Variants in RABL6 observed in about 807,000 individuals in gnomAD.
RABL6 encodes RAB, member RAS oncogene family like 6, also known as rab-like protein 6.
In RABL6, 28 loss-of-function variants were observed where a neutral mutation model predicts 72.9. The ratio of observed to expected loss-of-function variants is 0.38; its 90% CI spans 0.28 to 0.53. The LOEUF is 0.53. Ranked by LOEUF, RABL6 falls within the 20% of genes least tolerant of loss-of-function variation. The pLI is 0.80. For synonymous variants in RABL6, 477 were observed against 421.2 expected (o/e 1.13, Z -1.62); for missense variants, 1,029 against 1,008.4 (o/e 1.02, Z -0.28).
chr9:136,840,794 AGT>A lies in RABL6; in HGVS notation c.*275_*276del. On this transcript the variant is annotated 3_prime_UTR_variant, in exon 15 of 15. Coordinates refer to ENST00000311502, the MANE Select transcript of RABL6 (RefSeq NM_024718.5). ...CTGGCCCTCTCGGGGCAGAGCCGCCAGTGTTTCTCAGGGATGTGACTGAGGCC... is the reference window on the plus strand; with the variant it reads ...CTGGCCCTCTCGGGGCAGAGCCGCCAGTTTCTCAGGGATGTGACTGAGGCC... 3.2e-6 allele frequency: 5 copies of A among 1,547,480 alleles called. No homozygotes were observed. The highest frequency in any genetic ancestry group is 4.4e-6 in the Non-Finnish European group (5 of 1,146,760).
chr9:136,820,459 C>G (rs1324340162), intron 1 of RABL6, among the ~76,000 whole-genome samples: 1 of 152,076 alleles, frequency 6.6e-6, no homozygotes, highest in Non-Finnish European at 1.5e-5. Context: ...GCAACCTCCA[C>G]CTCCTGGGGT....
Position 136,838,952 on chromosome 9 carries a change from C to T in RABL6, c.1324C>T (p.Gln442Ter). ...LGGNPMVAGF[Q>*]DDVDLEDQPR... ...CGGCAACCCGATGGTGGCAGGGTTC[C>T]AGGACGATGTGGACCTCGAAGACCA... Residue 442 changes from glutamine to a stop codon, truncating the protein, a stop_gained, in exon 11 of 15, where the codon CAG (glutamine) becomes TAG (stop). Coordinates refer to ENST00000311502, the MANE Select transcript of RABL6 (RefSeq NM_024718.5). LOFTEE classifies it high-confidence loss of function. 6.2e-7 allele frequency: 1 copy of T among 1,610,018 alleles called. No individual in the cohort carries two copies. Among genetic ancestry groups the T allele is most frequent in the Admixed American group, 1.7e-5 (1 of 59,728 alleles).
chr9:136,823,445 C>T (rs1482002158), intron 1 of RABL6, 80 bp from the exon 2 acceptor site: 2 of 1,554,282 alleles, frequency 1.3e-6, no homozygotes, highest in Admixed American at 1.8e-5. Flanking sequence ...AGAACCGGCT[C>T]TCCTTGTAGT....
chr9:136,839,469 GAC>G lies in RABL6; in HGVS notation c.1747_1748del (p.Gln583AlafsTer5). The G allele has an allele frequency of 1.2e-6, 2 of 1,612,390 alleles. No individual in the cohort carries two copies. The highest frequency in any genetic ancestry group is 8.5e-7 in the Non-Finnish European group (1 of 1,179,626). On this transcript the variant is annotated frameshift_variant, in exon 12 of 15. Coordinates refer to ENST00000311502, the MANE Select transcript of RABL6 (RefSeq NM_024718.5). LOFTEE classifies it high-confidence loss of function. ...CCCCGACTTTGAGAGCGAGGGATCA[GAC>G]ACACAGCGCAGGGCGGTAAGACGAG... ...DDPDFESEGSDTQRRADDFPV... is the reference protein window; with the variant it reads ...DDPDFESEGSXTQRRADDFPV...
intron 1 of RABL6, chr9:136,814,896 C>G (rs1362642099): frequency 6.4e-6 from 1 of 156,702 alleles, no homozygotes; most frequent in Non-Finnish European, 1.4e-5. Context: ...GTCTTCATCA[C>G]TTCATCCTCT....
rs754120233 is a variant in RABL6 at position 136,837,279 on chromosome 9, C to T, written c.810-67C>T. ...CCCCAGCAGCAGCAGCAGAGAGCCC[C>T]CTGTCACCTGAGGGCCTCAGGGAGA... On this transcript the variant is annotated intron_variant, in intron 8 of 14. Transcript: ENST00000311502. The T allele has an allele frequency of 3.4e-6, 5 of 1,491,708 alleles. No homozygotes were observed. The African/African-American group carries it at 5.6e-5, about 17-fold the overall frequency. The allele number at this position is 1,491,708 out of a possible 1,614,324, so 92.4% of individuals were successfully genotyped here. A position where few individuals can be genotyped will look rare whatever the true frequency, so the allele number is the denominator to read the frequency against.
Position 136,833,917 on chromosome 9 carries a change from C to T in RABL6, c.705+1547C>T, listed in dbSNP as rs1848534270. On this transcript the variant is annotated intron_variant, in intron 7 of 14. Transcript: ENST00000311502. ...CGTCCCCTCATCACTGGGTTGATTACTCCTTAGAGAGCTCCCCACTGCTCA... is the reference window on the plus strand; with the variant it reads ...CGTCCCCTCATCACTGGGTTGATTATTCCTTAGAGAGCTCCCCACTGCTCA... 3.9e-6 allele frequency: 6 copies of T among 1,550,254 alleles called. No homozygotes were observed. The East Asian group carries it at 9.8e-5, about 25-fold the overall frequency.
chr9:136,825,673 G>C, intron 2 of RABL6, 106 bp from the exon 3 acceptor site: 1 of 1,242,262 alleles, frequency 8.0e-7, no homozygotes, highest in Non-Finnish European at 1.2e-6. Flanking sequence ...AAGTCCTGGT[G>C]GGAGCCGGTG....
intron 1 of RABL6, chr9:136,815,148 C>T: frequency 3.1e-6 from 1 of 318,106 alleles, no homozygotes; most frequent in Non-Finnish European, 6.1e-6. Context: ...TCATCCTCCT[C>T]CTCATCGCTG....
At chr9:136,817,327 A>G (rs555949516) in intron 1 of RABL6, among the ~76,000 whole-genome samples, 91 of 152,244 alleles carry the variant, frequency 6.0e-4, no homozygotes, top group Non-Finnish European at 1.1e-3. Context: ...AATACAGGAA[A>G]CTCCAAGAAG....
In RABL6 at chr9:136,840,376, G is replaced by A. The variant is rs755741907; in HGVS notation, c.2044G>A (p.Glu682Lys). 4.5e-6 allele frequency: 7 copies of A among 1,555,118 alleles called. No homozygotes were observed. In the Admixed American group the frequency reaches 7.8e-5, roughly 17 times the overall value. Residue 682 changes from glutamate to lysine, a missense_variant, in exon 15 of 15, where the codon GAG becomes AAG. Glu to Lys is a moderately conservative substitution (Grantham distance 56). Transcript: ENST00000311502. ...CAAACACAAGAAGAGCAAGGACAAGGAGGAGGGCAAGGAGGAGCGGCGACG... is the reference window on the plus strand; with the variant it reads ...CAAACACAAGAAGAGCAAGGACAAGAAGGAGGGCAAGGAGGAGCGGCGACG... ...KSKHKKSKDKEEGKEERRRRQ... is the reference protein window; with the variant it reads ...KSKHKKSKDKKEGKEERRRRQ...
chr9:136,837,381 A>G lies in RABL6; in HGVS notation c.845A>G (p.His282Arg). 6.2e-7 allele frequency: 1 copy of G among 1,602,724 alleles called. No homozygotes were observed. The highest frequency in any genetic ancestry group is 1.1e-5 in the South Asian group (1 of 89,366). ...LEMMEARSRG[H>R]ASPLAANGQS... ...ATGATGGAGGCTCGCAGCCGTGGCC[A>G]TGCGTCCCCACTGGCGGCCAACGGG... The change falls in exon 9 of 15, where the codon CAT (histidine) becomes CGT (arginine). Residue 282 changes from histidine (H) to arginine (R), a missense_variant. Coordinates refer to ENST00000311502, the MANE Select transcript of RABL6 (RefSeq NM_024718.5).
chr9:136,831,656 C>G, intron 5 of RABL6, 65 bp from the exon 6 acceptor site: 2 of 1,599,056 alleles, frequency 1.3e-6, no homozygotes, highest in South Asian at 2.2e-5. Flanking sequence ...CGCACAGCAC[C>G]TTTCCAGGGA....
In RABL6 at chr9:136,839,202, C is replaced by A. The variant is rs1440408277; in HGVS notation, c.1494-20C>A. ...GACGCCTCCAGAGGACCCTGACTGA[C>A]CCTCTGCTTGTCCACAAAGGTCCTC... On this transcript the variant is annotated intron_variant, in intron 11 of 14. Transcript: ENST00000311502. 6.3e-7 allele frequency: 1 copy of A among 1,595,056 alleles called. No individual in the cohort carries two copies. The highest frequency in any genetic ancestry group is 1.7e-5 in the Admixed American group (1 of 57,676).
At position 136,822,947 on chromosome 9, in the gene RABL6, A is replaced by G. The variant is rs558667811; in HGVS notation, c.131-578A>G. On this transcript the variant is annotated intron_variant, in intron 1 of 14. Coordinates refer to ENST00000311502, the MANE Select transcript of RABL6 (RefSeq NM_024718.5). ...ACTAAAAATACAAAAAATTAGCTGG[A>G]CATGGTGGCGGGCGCCTGTAGTCCC... 4.6e-5 allele frequency among the ~76,000 whole-genome samples: 7 copies of G among 151,130 alleles called. No individual in the cohort carries two copies. The East Asian group carries it at 5.8e-4, about 12-fold the overall frequency.
At chr9:136,828,449 G>T in intron 3 of RABL6, 45 bp from the exon 4 acceptor site, 1 of 1,605,140 alleles carries the variant, frequency 6.2e-7, no homozygotes, top group Non-Finnish European at 8.5e-7. Context: ...TATGGCCCAA[G>T]GCCCAGGGGT....
Position 136,828,929 on chromosome 9 carries a change from C to T in RABL6, c.366+383C>T, listed in dbSNP as rs114469945. 5.9e-3 allele frequency among the ~76,000 whole-genome samples: 900 copies of T among 152,298 alleles called. 11 individuals are homozygous for T. Among genetic ancestry groups the T allele is most frequent in the African/African-American group, 0.021 (861 of 41,554 alleles). On this transcript the variant is annotated intron_variant, in intron 4 of 14. Transcript: ENST00000311502. ...ACCTGGGGCCAACCCAACCTGAGCC[C>T]GACACACCCAGGGCCTCGCACTCTC... is the stretch of plus-strand genomic sequence containing the variant.
chr9:136,812,040 A>G (rs1848022909), intron 1 of RABL6, among the ~76,000 whole-genome samples: 1 of 152,216 alleles, frequency 6.6e-6, no homozygotes, highest in African/African-American at 2.4e-5. Flanking sequence ...TGCATATAAA[A>G]TTATTAGGAA....
Position 136,831,842 on chromosome 9 carries a change from T to C in RABL6, c.580T>C (p.Phe194Leu), listed in dbSNP as rs1554770452. 3 of 1,612,166 alleles carry C rather than the reference T, an allele frequency of 1.9e-6. No individual in the cohort carries two copies. The highest frequency in any genetic ancestry group is 2.2e-5 in the South Asian group (2 of 90,994). The change falls in exon 6 of 15, where the codon TTC becomes CTC. Residue 194 changes from phenylalanine (F) to leucine (L), a missense_variant. Coordinates refer to ENST00000311502, the MANE Select transcript of RABL6 (RefSeq NM_024718.5). Reference protein sequence around the residue: ...RVILPDDVRDFIDNLDRPPGS... With the variant: ...RVILPDDVRDLIDNLDRPPGS... ...CATCCTGCCGGACGACGTGCGTGAC[T>C]TCATCGACAACCTGGACAGGTGGGT...
Sources: gnomAD v4.1 joint callset for allele counts (sites outside exome capture counted in the v4.1 genomes callset) on GRCh38, gnomAD v4.1.1 for gene constraint, MANE v1.5 for transcripts, NCBI Gene and HGNC (gene_info 2026-07-23, HGNC 2026-07-21) for gene names.